Variants in PCDHA11 observed in about 807,000 individuals in gnomAD.
The protein encoded by PCDHA11 is protocadherin alpha 11, also known as protocadherin alpha-11.
PCDHA11 carries 61 observed loss-of-function variants against 70.3 expected under a neutral mutation model. The ratio of observed to expected loss-of-function variants is 0.87; its 90% CI spans 0.71 to 1.07. The LOEUF is 1.07. Ranked by LOEUF, PCDHA11 falls within the 50% of genes least tolerant of loss-of-function variation. The pLI, the probability that PCDHA11 is intolerant of heterozygous loss-of-function variation, is 0.00. For synonymous variants in PCDHA11, 633 were observed against 555.1 expected, an observed-to-expected ratio of 1.14 and a Z score of -1.97; for missense variants, 1,324 against 1,237.5, an observed-to-expected ratio of 1.07 and a Z score of -1.05.
At chr5:140,877,725 G>A (rs570815670) in intron 1 of PCDHA11, 1 of 1,614,124 alleles carries the variant, frequency 6.2e-7, no homozygotes, top group Non-Finnish European at 8.5e-7. Flanking sequence ...GGTCTTACTC[G>A]CAGCAGAGGA....
chr5:140,943,302 A>G, intron 1 of PCDHA11, among the ~76,000 whole-genome samples: 1 of 151,674 alleles, frequency 6.6e-6, no homozygotes, highest in Non-Finnish European at 1.5e-5. Context: ...AATTTTGGGA[A>G]GTCATTATTA....
chr5:140,882,094 C>G, intron 1 of PCDHA11: 1 of 1,172,684 alleles, frequency 8.5e-7, no homozygotes. Flanking sequence ...TCACTGAGAA[C>G]GTTTCCGCGA....
intron 1 of PCDHA11, chr5:140,927,951 T>G: frequency 6.2e-7 from 1 of 1,614,198 alleles, no homozygotes; most frequent in Non-Finnish European, 8.5e-7. Context: ...CTGAGGACGC[T>G]GCCCCTGGCA....
intron 1 of PCDHA11, among the ~76,000 whole-genome samples, chr5:140,932,100 CTG>C (rs2088033860): frequency 6.6e-6 from 1 of 151,792 alleles, no homozygotes; most frequent in African/African-American, 2.4e-5. Context: ...GTTTTTATCT[CTG>C]TATTTCCAAT....
chr5:140,874,469 G>C (rs2054929448), intron 1 of PCDHA11, among the ~76,000 whole-genome samples: 1 of 152,212 alleles, frequency 6.6e-6, no homozygotes, highest in Non-Finnish European at 1.5e-5. Flanking sequence ...GGAAGATTTA[G>C]AGAAAAAGCA....
intron 1 of PCDHA11, among the ~76,000 whole-genome samples, chr5:140,922,038 T>A (rs1048446579): frequency 6.6e-6 from 1 of 152,088 alleles, no homozygotes. Context: ...AATGTAATTT[T>A]CCCACATACC....
chr5:140,898,733 A>C (rs1401773719), intron 1 of PCDHA11, among the ~76,000 whole-genome samples: 1 of 152,154 alleles, frequency 6.6e-6, no homozygotes, highest in Non-Finnish European at 1.5e-5. Flanking sequence ...GAAGAAAGTC[A>C]TTGGTAGCTT....
At chr5:140,935,473 AT>A (rs2090393235) in intron 1 of PCDHA11, among the ~76,000 whole-genome samples, 1 of 152,212 alleles carries the variant, frequency 6.6e-6, no homozygotes, top group African/African-American at 2.4e-5. Context: ...AGTTTTTGTC[AT>A]TCTTTTCATT....
chr5:140,876,815 T>G (rs782365798), intron 1 of PCDHA11: 1 of 1,614,148 alleles, frequency 6.2e-7, no homozygotes, highest in South Asian at 1.1e-5. Flanking sequence ...GTGGCCGACG[T>G]GAACGACAAT....
chr5:140,999,125 G>A (rs1554256627), intron 3 of PCDHA11, among the ~76,000 whole-genome samples: 1 of 152,152 alleles, frequency 6.6e-6, no homozygotes, highest in Non-Finnish European at 1.5e-5. Context: ...TTCTAAGCTG[G>A]AAAATGTCAC....
At chr5:140,967,730 G>A (rs2096176474) in intron 1 of PCDHA11, 1 of 1,614,146 alleles carries the variant, frequency 6.2e-7, no homozygotes, top group Non-Finnish European at 8.5e-7. Context: ...AGTAATTGGG[G>A]GGCTGGATTA....
intron 1 of PCDHA11, among the ~76,000 whole-genome samples, chr5:140,954,013 C>T (rs942687934): frequency 6.6e-6 from 1 of 152,172 alleles, no homozygotes; most frequent in African/African-American, 2.4e-5. Context: ...TCAGCTCCCA[C>T]ACATAGTGGG....
intron 1 of PCDHA11, chr5:140,877,976 C>T: frequency 8.0e-7 from 1 of 1,255,054 alleles, no homozygotes. Flanking sequence ...GTCATTCTTA[C>T]TCATTTTGAA....
At chr5:141,004,348 C>A (rs1554259549) in intron 3 of PCDHA11, among the ~76,000 whole-genome samples, 1 of 152,216 alleles carries the variant, frequency 6.6e-6, no homozygotes, top group Non-Finnish European at 1.5e-5. Context: ...CTGTGAGGGA[C>A]TGGAGAGACC....
chr5:140,941,310 C>T (rs1375547519), intron 1 of PCDHA11, among the ~76,000 whole-genome samples: 10 of 79,218 alleles, frequency 1.3e-4, no homozygotes, highest in Non-Finnish European at 1.8e-4. Flanking sequence ...CTTTCTTTTT[C>T]TTCTTTCTCT....
intron 1 of PCDHA11, among the ~76,000 whole-genome samples, chr5:140,955,604 C>T (rs1431862665): frequency 7.2e-5 from 11 of 152,060 alleles, no homozygotes; most frequent in Non-Finnish European, 1.5e-4. Context: ...TATAAATTAC[C>T]CAGTCTCAGG....
At chr5:140,973,697 C>G (rs1474916406) in intron 1 of PCDHA11, among the ~76,000 whole-genome samples, 1 of 152,226 alleles carries the variant, frequency 6.6e-6, no homozygotes, top group Non-Finnish European at 1.5e-5. Context: ...CTGTTTCCTT[C>G]TGACCCAGGA....
intron 3 of PCDHA11, among the ~76,000 whole-genome samples, chr5:141,000,395 CTATATATATA>C (rs1190667031): frequency 1.9e-5 from 1 of 53,986 alleles, no homozygotes; most frequent in Non-Finnish European, 3.2e-5. Context: ...CTCTCTCTCT[CTATATATATA>C]TATATATATA....
intron 1 of PCDHA11, chr5:140,882,617 T>TA: frequency 6.2e-7 from 1 of 1,614,218 alleles, no homozygotes; most frequent in Non-Finnish European, 8.5e-7. Context: ...TCTGCAGGTT[T>TA]TCCATGTGGA....
Sources: gnomAD v4.1 joint callset for allele counts (sites outside exome capture counted in the v4.1 genomes callset) on GRCh38, gnomAD v4.1.1 for gene constraint, MANE v1.5 for transcripts, NCBI Gene and HGNC (gene_info 2026-07-23, HGNC 2026-07-21) for gene names.